YIPF1: variants seen among roughly 807,000 people sequenced by gnomAD.
YIPF1 encodes the protein protein YIPF1.
YIPF1 carries 22 observed loss-of-function variants against 37.0 expected under a neutral mutation model. The ratio of observed to expected loss-of-function variants is 0.59; its 90% CI spans 0.42 to 0.85. YIPF1 has a LOEUF of 0.85. YIPF1 is among the 40% of genes least tolerant of loss of function. The pLI is 0.00. For synonymous variants in YIPF1, 128 were observed against 131.9 expected, an observed-to-expected ratio of 0.97 and a Z score of 0.21; for missense variants, 355 against 373.1, an observed-to-expected ratio of 0.95 and a Z score of 0.40.
At chr1:53,879,516 A>G (rs1481093941) in intron 4 of YIPF1, among the ~76,000 whole-genome samples, 1 of 152,178 alleles carries the variant, frequency 6.6e-6, no homozygotes, top group East Asian at 1.9e-4. Flanking sequence ...TCTGACAAAA[A>G]AAAAAATCCT....
At chr1:53,885,758 T>C (rs938433416) in intron 3 of YIPF1, among the ~76,000 whole-genome samples, 4 of 141,594 alleles carry the variant, frequency 2.8e-5, no homozygotes, top group African/African-American at 8.1e-5. Context: ...AGGTGAAGGA[T>C]GCAATGATCT....
chr1:53,862,440 A>C (rs1569606867), intron 9 of YIPF1, among the ~76,000 whole-genome samples: 1 of 152,198 alleles, frequency 6.6e-6, no homozygotes, highest in African/African-American at 2.4e-5. Context: ...TGTAAAAGCC[A>C]GCAGTAACCA....
intron 5 of YIPF1, 97 bp from the exon 6 acceptor site, chr1:53,878,499 T>G: frequency 6.7e-7 from 1 of 1,486,796 alleles, no homozygotes; most frequent in Non-Finnish European, 9.3e-7. Context: ...GCTTTTATGA[T>G]AGTATTTTCA....
At chr1:53,875,035 G>T (rs1039452438) in intron 6 of YIPF1, among the ~76,000 whole-genome samples, 1 of 152,092 alleles carries the variant, frequency 6.6e-6, no homozygotes, top group African/African-American at 2.4e-5. Context: ...ATATATATGT[G>T]AATTCCTCTA....
intron 2 of YIPF1, 45 bp from the exon 3 acceptor site, chr1:53,889,031 G>A (rs928028830): frequency 7.2e-6 from 8 of 1,112,816 alleles, no homozygotes; most frequent in African/African-American, 3.0e-5. Flanking sequence ...ACAGTATAAA[G>A]TATCTGCAAA....
intron 10 of YIPF1, among the ~76,000 whole-genome samples, chr1:53,854,395 A>G (rs560460336): frequency 6.6e-6 from 1 of 152,346 alleles, no homozygotes; most frequent in South Asian, 2.1e-4. Context: ...TTGGTCCCTA[A>G]TGTCACCATC....
At chr1:53,861,816 C>A (rs1649890982) in intron 9 of YIPF1, among the ~76,000 whole-genome samples, 1 of 152,126 alleles carries the variant, frequency 6.6e-6, no homozygotes, top group African/African-American at 2.4e-5. Context: ...GAGTTCAAGA[C>A]CAGCCCGGCA....
At chr1:53,864,377 C>T (rs1319851578) in intron 9 of YIPF1, among the ~76,000 whole-genome samples, 1 of 152,232 alleles carries the variant, frequency 6.6e-6, no homozygotes, top group South Asian at 2.1e-4. Context: ...ATGAGTCAAA[C>T]CAACAGGCCC....
intron 10 of YIPF1, among the ~76,000 whole-genome samples, chr1:53,859,781 T>G (rs982842192): frequency 6.6e-6 from 1 of 152,216 alleles, no homozygotes; most frequent in Non-Finnish European, 1.5e-5. Flanking sequence ...GAGAGTCCCC[T>G]CTACTGGGAC....
rs575930235 is a variant in YIPF1, at chr1:53,866,769, T to C, written c.637A>G (p.Ile213Val). The change falls in exon 8 of 11, where the codon ATC becomes GTC. Residue 213 changes from isoleucine to valine, a missense_variant. By Grantham distance (29) the Ile-to-Val change is conservative. Coordinates refer to ENST00000072644, the MANE Select transcript of YIPF1 (RefSeq NM_018982.5). ...AGTATGGTACTTACTGCGGTGGGGA[T>C]ATAAATGAAGAGGGAATATCCATAG... Reference protein sequence around the residue: ...CVYGYSLFIYIPTAILWIIPQ... With the variant: ...CVYGYSLFIYVPTAILWIIPQ... 20 of 1,613,570 alleles carry C rather than the reference T, an allele frequency of 1.2e-5. No homozygotes were observed. The Admixed American group carries it at 1.5e-4, about 12-fold the overall frequency.
intron 10 of YIPF1, among the ~76,000 whole-genome samples, chr1:53,854,609 A>C (rs1045317358): frequency 1.3e-5 from 2 of 152,174 alleles, no homozygotes; most frequent in African/African-American, 4.8e-5. Context: ...AAGTTCCCAT[A>C]ATCATGTTTC....
intron 7 of YIPF1, among the ~76,000 whole-genome samples, chr1:53,870,051 G>A (rs1365415330): frequency 4.0e-5 from 6 of 151,198 alleles, no homozygotes; most frequent in Non-Finnish European, 5.9e-5. Context: ...TAGTAGAGAC[G>A]GGTTTCACCA....
At chr1:53,884,456 C>G (rs779149475) in intron 3 of YIPF1, among the ~76,000 whole-genome samples, 9 of 152,074 alleles carry the variant, frequency 5.9e-5, no homozygotes, top group Non-Finnish European at 1.2e-4. Context: ...CCTGCTTTGT[C>G]AAGATTATGT....
At chr1:53,868,833 T>C (rs930998936) in intron 7 of YIPF1, among the ~76,000 whole-genome samples, 3 of 152,216 alleles carry the variant, frequency 2.0e-5, no homozygotes, top group African/African-American at 7.2e-5. Flanking sequence ...CTCCTGAGTT[T>C]CCAGATCCCC....
chr1:53,863,281 T>C (rs1649931651), intron 9 of YIPF1, among the ~76,000 whole-genome samples: 1 of 152,128 alleles, frequency 6.6e-6, no homozygotes, highest in Non-Finnish European at 1.5e-5. Flanking sequence ...AGGAAGGGCA[T>C]TGTCATTAAG....
intron 10 of YIPF1, among the ~76,000 whole-genome samples, chr1:53,854,260 GAA>G (rs61453752): frequency 5.3e-5 from 8 of 151,332 alleles, no homozygotes; most frequent in African/African-American, 1.5e-4. Flanking sequence ...TGAAAAAAAA[GAA>G]AAAAAAAAAT....
At chr1:53,882,943 G>A (rs1422743610) in intron 4 of YIPF1, 170 bp downstream of exon 4, 5 of 631,624 alleles carry the variant, frequency 7.9e-6, no homozygotes, top group Admixed American at 4.1e-5. Context: ...GTGTACTTAC[G>A]GAAAGTAATG....
At chr1:53,873,468 A>C (rs1650246788) in intron 6 of YIPF1, among the ~76,000 whole-genome samples, 3 of 152,162 alleles carry the variant, frequency 2.0e-5, no homozygotes, top group Admixed American at 1.3e-4. Flanking sequence ...GAGTCAGATC[A>C]TGAAGGGTCT....
chr1:53,875,424 G>C (rs368869861), intron 6 of YIPF1, among the ~76,000 whole-genome samples: 29 of 152,290 alleles, frequency 1.9e-4, no homozygotes, highest in Admixed American at 3.3e-4. Context: ...ATGAGGTGGG[G>C]GAGGATGGCT....
Sources: gnomAD v4.1 joint callset for allele counts (sites outside exome capture counted in the v4.1 genomes callset) on GRCh38, gnomAD v4.1.1 for gene constraint, MANE v1.5 for transcripts, NCBI Gene and HGNC (gene_info 2026-07-23, HGNC 2026-07-21) for gene names.